SSBP4: variants seen among roughly 807,000 people sequenced by gnomAD.
SSBP4 encodes single stranded DNA binding protein 4, also known as single-stranded DNA-binding protein 4.
In SSBP4, 33 loss-of-function variants were observed where a neutral mutation model predicts 64.6. That is an observed-to-expected ratio of 0.51 (90% CI 0.39 to 0.68). SSBP4 has a LOEUF of 0.68. Ranked by LOEUF, SSBP4 falls within the 30% of genes least tolerant of loss-of-function variation. The probability of loss-of-function intolerance (pLI) is 0.00; values close to 1 mark genes in which losing one functional copy is unlikely to be tolerated. For synonymous variants in SSBP4, 243 were observed against 224.0 expected (o/e 1.08, Z -0.76); for missense variants, 583 against 566.8 (o/e 1.03, Z -0.29).
chr19:18,432,752 C>A lies in SSBP4; in HGVS notation c.786+17C>A. 1 of 1,607,938 alleles carries A rather than the reference C, an allele frequency of 6.2e-7. No individual in the cohort carries two copies. Among genetic ancestry groups the A allele is most frequent in the Non-Finnish European group, 8.5e-7 (1 of 1,175,528 alleles). On this transcript the variant is annotated intron_variant, in intron 12 of 17. Coordinates refer to ENST00000270061, the MANE Select transcript of SSBP4 (RefSeq NM_032627.5). ...AGCTACACCGTAAGTCTGAGCAAAG[C>A]TGGGTCACCCCTGGGCAGGGGTTGT...
At position 18,432,695 on chromosome 19, in the gene SSBP4, C is replaced by T. The variant is rs572033494; in HGVS notation, c.751-5C>T. 3.2e-6 allele frequency: 5 copies of T among 1,571,016 alleles called. No homozygotes were observed. In the East Asian group the frequency reaches 9.0e-5, roughly 28 times the overall value. Reference sequence around the variant, plus strand: ...CTGACTGCTCACAGCTGCCCTTGTCCCCAGATCCCCTACTCCTCCTCATCC... The same window carrying T: ...CTGACTGCTCACAGCTGCCCTTGTCTCCAGATCCCCTACTCCTCCTCATCC... On this transcript the variant is annotated splice_polypyrimidine_tract_variant and splice_region_variant and intron_variant, in intron 11 of 17. Coordinates refer to ENST00000270061, the MANE Select transcript of SSBP4 (RefSeq NM_032627.5).
At chr19:18,420,407 A>G (rs1177083175) in intron 1 of SSBP4, among the ~76,000 whole-genome samples, 1 of 151,792 alleles carries the variant, frequency 6.6e-6, no homozygotes, top group Non-Finnish European at 1.5e-5. Context: ...TGGTAGGGGC[A>G]GGTTCCACCG....
At chr19:18,404,716 C>A in the SSBP4 span, among the ~76,000 whole-genome samples, 1 of 150,484 alleles carries the variant, frequency 6.6e-6, no homozygotes, top group East Asian at 1.9e-4. Context: ...CACGGTGAAA[C>A]CCCGTCTCTA....
chr19:18,422,659 C>G (rs1972541812), intron 1 of SSBP4, among the ~76,000 whole-genome samples: 1 of 152,220 alleles, frequency 6.6e-6, no homozygotes, highest in Non-Finnish European at 1.5e-5. Flanking sequence ...ATGTGGACGA[C>G]CCATCTTTCA....
the SSBP4 span, among the ~76,000 whole-genome samples, chr19:18,413,029 C>T: frequency 6.6e-6 from 1 of 152,154 alleles, no homozygotes; most frequent in East Asian, 1.9e-4. Context: ...TGCCAACAGA[C>T]ATGACACATG....
chr19:18,406,839 T>C, the SSBP4 span, among the ~76,000 whole-genome samples: 1 of 151,840 alleles, frequency 6.6e-6, no homozygotes, highest in Non-Finnish European at 1.5e-5. Context: ...GTAATGACCA[T>C]GAGTCTGGGC....
chr19:18,432,308 C>T, intron 10 of SSBP4, 94 bp downstream of exon 10: 1 of 1,499,850 alleles, frequency 6.7e-7, no homozygotes. Context: ...ATCCTCAGGA[C>T]AGCCTTGGAT....
chr19:18,431,243 C>T (rs1485107364), intron 5 of SSBP4, 110 bp from the exon 6 acceptor site: 2 of 618,292 alleles, frequency 3.2e-6, no homozygotes, highest in East Asian at 2.8e-5. Context: ...CCCACAAGGT[C>T]CCTGTCCCAC....
intron 1 of SSBP4, among the ~76,000 whole-genome samples, chr19:18,420,885 C>T (rs1263809155): frequency 6.6e-6 from 1 of 151,856 alleles, no homozygotes; most frequent in African/African-American, 2.4e-5. Flanking sequence ...AAACAGTGCC[C>T]AGGAGGAGGG....
Position 18,427,256 on chromosome 19 carries a change from C to A in SSBP4, c.60-95C>A. On this transcript the variant is annotated intron_variant, in intron 1 of 17. Coordinates refer to ENST00000270061, the MANE Select transcript of SSBP4 (RefSeq NM_032627.5). This position sits in a 1 kb window ranked among gnomAD's most constrained non-coding sequence, Gnocchi z 4.4. Reference sequence around the variant, plus strand: ...CCTGCTGAGCAGCTGGTGGGGAGGCCACCTTTCCACCCGCCCTCCTGAGAG... The same window carrying A: ...CCTGCTGAGCAGCTGGTGGGGAGGCAACCTTTCCACCCGCCCTCCTGAGAG... 7.4e-7 allele frequency: 1 copy of A among 1,351,878 alleles called. No individual in the cohort carries two copies. The highest frequency in any genetic ancestry group is 1.0e-6 in the Non-Finnish European group (1 of 976,496). The allele number at this position is 1,351,878 out of a possible 1,614,324, so 83.7% of individuals were successfully genotyped here.
At chr19:18,432,796 C>A in intron 12 of SSBP4, 33 bp from the exon 13 acceptor site, 1 of 1,613,698 alleles carries the variant, frequency 6.2e-7, no homozygotes, top group Non-Finnish European at 8.5e-7. Context: ...AGATGAGGGG[C>A]CATTTCTCAC....
chr19:18,414,222 A>G (rs1276055426), upstream of SSBP4, among the ~76,000 whole-genome samples: 2 of 152,108 alleles, frequency 1.3e-5, no homozygotes, highest in African/African-American at 4.8e-5. Context: ...AGTCTCCCAG[A>G]CCAGACAGGG....
chr19:18,432,466 G>C, intron 10 of SSBP4, 93 bp from the exon 11 acceptor site: 2 of 1,492,432 alleles, frequency 1.3e-6, no homozygotes, highest in Non-Finnish European at 1.8e-6. Context: ...GGTCGGTCTG[G>C]GGATACAGTG....
At chr19:18,414,599 G>T (rs576858477), upstream of SSBP4, among the ~76,000 whole-genome samples, 1 of 152,340 alleles carries the variant, frequency 6.6e-6, no homozygotes, top group East Asian at 1.9e-4. Flanking sequence ...GAGTTCAAGT[G>T]CAGGGCAGAG....
the SSBP4 span, among the ~76,000 whole-genome samples, chr19:18,412,413 A>C: frequency 6.8e-6 from 1 of 146,328 alleles, no homozygotes; most frequent in African/African-American, 2.6e-5. Context: ...GTGAGTCGAG[A>C]TCGCACCACG....
chr19:18,407,984 AC>A, the SSBP4 span, among the ~76,000 whole-genome samples: 2 of 150,876 alleles, frequency 1.3e-5, no homozygotes, highest in Non-Finnish European at 1.5e-5. Context: ...GGCTCAAGCA[AC>A]CCTCCTGCCT....
chr19:18,416,597 G>T (rs532702767), upstream of SSBP4, among the ~76,000 whole-genome samples: 1 of 152,236 alleles, frequency 6.6e-6, no homozygotes, highest in Non-Finnish European at 1.5e-5. Flanking sequence ...TCTGGGCGTG[G>T]TCTAGCTCTC....
chr19:18,433,524 A>G, intron 15 of SSBP4, 61 bp from the exon 16 acceptor site: 2 of 1,540,174 alleles, frequency 1.3e-6, no homozygotes, highest in Non-Finnish European at 8.7e-7. Context: ...TGGCCCCTGG[A>G]GGCCGAGGGG....
upstream of SSBP4, chr19:18,419,325 T>G: frequency 2.0e-6 from 2 of 1,005,202 alleles, no homozygotes; most frequent in Non-Finnish European, 2.4e-6. Context: ...CCATCGCCCC[T>G]TTAAGAGCTG....
Sources: allele counts gnomAD v4.1 joint callset (sites outside exome capture counted in the v4.1 genomes callset), GRCh38; gene constraint gnomAD v4.1.1; non-coding constraint Gnocchi (gnomAD v3.1); transcripts MANE v1.5; gene names NCBI Gene and HGNC (gene_info 2026-07-23, HGNC 2026-07-21).